Variants in VSNL1 observed in about 807,000 individuals in gnomAD.
VSNL1 encodes visinin like 1, also known as visinin-like protein 1.
A neutral mutation model predicts 20.4 loss-of-function variants in VSNL1; 6 were observed. That is an observed-to-expected ratio of 0.29 (90% CI 0.16 to 0.58). The LOEUF (loss-of-function observed/expected upper bound fraction) is 0.58, where lower values mean the gene tolerates loss of function less well. Among genes scored for constraint, VSNL1 ranks in the 20% least tolerant of loss-of-function variants. VSNL1 has a pLI of 0.90. For synonymous variants in VSNL1, 93 were observed against 86.4 expected (o/e 1.08, Z -0.42); for missense variants, 100 against 234.5 (o/e 0.43, Z 3.75).
intron 2 of VSNL1, among the ~76,000 whole-genome samples, chr2:17,613,431 G>T (rs897430351): frequency 1.3e-5 from 2 of 152,174 alleles, no homozygotes; most frequent in African/African-American, 4.8e-5. Flanking sequence ...TTCAAATTAT[G>T]GCCACAGGAC....
chr2:17,619,026 G>A (rs1665285315), intron 2 of VSNL1, among the ~76,000 whole-genome samples: 1 of 152,132 alleles, frequency 6.6e-6, no homozygotes, highest in Non-Finnish European at 1.5e-5. Context: ...TGACAGTCAG[G>A]GGCGAAGGAA....
chr2:17,647,788 C>A (rs558287975), intron 2 of VSNL1, among the ~76,000 whole-genome samples: 2 of 152,104 alleles, frequency 1.3e-5, no homozygotes, highest in East Asian at 3.8e-4. Flanking sequence ...AGTAAAGTCC[C>A]CCCATTAACT....
intron 1 of VSNL1, among the ~76,000 whole-genome samples, chr2:17,578,320 A>G (rs1051068831): frequency 1.2e-4 from 18 of 152,334 alleles, no homozygotes; most frequent in Admixed American, 2.6e-4. Flanking sequence ...GGATTCTGCC[A>G]TGGTTACTAG....
chr2:17,608,679 G>T (rs924352356), intron 2 of VSNL1, among the ~76,000 whole-genome samples: 1 of 152,144 alleles, frequency 6.6e-6, no homozygotes, highest in Non-Finnish European at 1.5e-5. Flanking sequence ...TCTTCATGGC[G>T]AGACTGATGA....
At chr2:17,551,721 T>TGCTCA (rs1249618186) in intron 1 of VSNL1, among the ~76,000 whole-genome samples, 2 of 151,918 alleles carry the variant, frequency 1.3e-5, no homozygotes, top group African/African-American at 4.8e-5. Flanking sequence ...TCCAAAGAGG[T>TGCTCA]GCTCAGTAGA....
At chr2:17,607,523 G>C (rs62132144) in intron 2 of VSNL1, among the ~76,000 whole-genome samples, 8,230 of 152,284 alleles carry the variant, frequency 0.054, 258 homozygotes, top group East Asian at 0.092. Context: ...TTTGTAAAGA[G>C]AGGGAGTTGA....
At chr2:17,581,641 C>G (rs958820055) in intron 1 of VSNL1, among the ~76,000 whole-genome samples, 9 of 152,220 alleles carry the variant, frequency 5.9e-5, no homozygotes, top group African/African-American at 1.9e-4. Flanking sequence ...CTTACCCAAT[C>G]TCTCAAAGAA....
chr2:17,542,980 G>A (rs886397910), intron 1 of VSNL1, among the ~76,000 whole-genome samples: 3 of 152,160 alleles, frequency 2.0e-5, no homozygotes, highest in African/African-American at 7.2e-5. Flanking sequence ...ATGTTGAGTG[G>A]AAATGTTTCC....
chr2:17,543,840 T>C (rs186077938), intron 1 of VSNL1, among the ~76,000 whole-genome samples: 25 of 152,318 alleles, frequency 1.6e-4, no homozygotes, highest in African/African-American at 5.8e-4. Context: ...TTTTTTCTCC[T>C]TTTTTTCCTC....
At chr2:17,560,286 C>T (rs1323513513) in intron 1 of VSNL1, among the ~76,000 whole-genome samples, 1 of 151,226 alleles carries the variant, frequency 6.6e-6, no homozygotes, top group African/African-American at 2.4e-5. Flanking sequence ...ACATGGTTTT[C>T]AAGTTTGTCT....
At chr2:17,631,675 T>C (rs2555090) in intron 2 of VSNL1, among the ~76,000 whole-genome samples, 2,278 of 152,302 alleles carry the variant, frequency 0.015, 58 homozygotes, top group African/African-American at 0.051. Flanking sequence ...ATTAAATAAA[T>C]TATAGAACAT....
chr2:17,588,175 C>T (rs1664521996), intron 1 of VSNL1, among the ~76,000 whole-genome samples: 1 of 152,204 alleles, frequency 6.6e-6, no homozygotes, highest in African/African-American at 2.4e-5. Context: ...CTGTCCCCTC[C>T]CTTCTTCGGT....
chr2:17,611,772 C>T (rs970388497), intron 2 of VSNL1, among the ~76,000 whole-genome samples: 1 of 152,220 alleles, frequency 6.6e-6, no homozygotes, highest in South Asian at 2.1e-4. Context: ...CTGCTATACT[C>T]TTGTCCTGCC....
chr2:17,645,001 A>G (rs574017494), intron 2 of VSNL1, among the ~76,000 whole-genome samples: 1 of 152,376 alleles, frequency 6.6e-6, no homozygotes, highest in South Asian at 2.1e-4. Context: ...AAAAGCAACT[A>G]TGTCTTCTGC....
chr2:17,600,451 C>T (rs1664799307), intron 2 of VSNL1, among the ~76,000 whole-genome samples: 1 of 152,160 alleles, frequency 6.6e-6, no homozygotes, highest in East Asian at 1.9e-4. Context: ...TGGGCTGTGG[C>T]ATCAAGAATT....
chr2:17,601,230 A>C (rs1298657509), intron 2 of VSNL1, among the ~76,000 whole-genome samples: 1 of 152,220 alleles, frequency 6.6e-6, no homozygotes, highest in African/African-American at 2.4e-5. Flanking sequence ...TTTACAAATA[A>C]GGACATTGAA....
At chr2:17,596,028 T>C (rs1411042482) in intron 2 of VSNL1, among the ~76,000 whole-genome samples, 2 of 152,218 alleles carry the variant, frequency 1.3e-5, no homozygotes, top group Admixed American at 1.3e-4. Context: ...CACATTCTCT[T>C]GGACTTCCAG....
At chr2:17,609,713 G>C (rs1665038464) in intron 2 of VSNL1, among the ~76,000 whole-genome samples, 1 of 152,200 alleles carries the variant, frequency 6.6e-6, no homozygotes, top group Non-Finnish European at 1.5e-5. Flanking sequence ...GCTTTGCTCT[G>C]TCTGAGGCAC....
chr2:17,619,262 T>A (rs1665290503), intron 2 of VSNL1, among the ~76,000 whole-genome samples: 1 of 152,202 alleles, frequency 6.6e-6, no homozygotes, highest in Non-Finnish European at 1.5e-5. Flanking sequence ...CATTCTTCCT[T>A]CTTTTATCTG....
Sources: allele counts gnomAD v4.1 joint callset (sites outside exome capture counted in the v4.1 genomes callset), GRCh38; gene constraint gnomAD v4.1.1; transcripts MANE v1.5; gene names NCBI Gene and HGNC (gene_info 2026-07-23, HGNC 2026-07-21).